Variants in SGK1 observed in about 807,000 individuals in gnomAD.
SGK1 encodes serum/glucocorticoid regulated kinase 1, also known as serine/threonine-protein kinase Sgk1.
In SGK1, 26 loss-of-function variants were observed where a neutral mutation model predicts 64.2. The ratio of observed to expected loss-of-function variants is 0.40; its 90% CI spans 0.30 to 0.56. The LOEUF is 0.56. SGK1 is among the 20% of genes least tolerant of loss of function. SGK1 has a pLI of 0.38. For missense variants in SGK1, 519 were observed against 645.6 expected, an observed-to-expected ratio of 0.80 and a Z score of 2.12; for synonymous variants, 265 against 239.7, an observed-to-expected ratio of 1.11 and a Z score of -0.98.
chr6:134,237,320 G>A (rs565161379), intron 2 of SGK1, among the ~76,000 whole-genome samples: 5 of 151,262 alleles, frequency 3.3e-5, no homozygotes, highest in African/African-American at 7.3e-5. Flanking sequence ...GCCTCCCAAC[G>A]TGCTAAGATT....
intron 2 of SGK1, among the ~76,000 whole-genome samples, chr6:134,251,474 A>G (rs1776604993): frequency 6.6e-6 from 1 of 152,210 alleles, no homozygotes; most frequent in Non-Finnish European, 1.5e-5. Context: ...CCAACAAAAT[A>G]TGCTCAACCC....
At chr6:134,219,035 T>C (rs1318898434) in intron 2 of SGK1, among the ~76,000 whole-genome samples, 3 of 152,042 alleles carry the variant, frequency 2.0e-5, no homozygotes, top group Non-Finnish European at 4.4e-5. Flanking sequence ...CAGGCTGGAG[T>C]GCAGTGGCAT....
At chr6:134,170,751 C>T (rs941473055) in intron 13 of SGK1, 75 bp downstream of exon 13, 14 of 996,694 alleles carry the variant, frequency 1.4e-5, no homozygotes, top group Admixed American at 2.1e-5. Context: ...CCTTCCAACC[C>T]TCCCCCAGAC....
At chr6:134,174,841 T>A (rs755086756) in intron 3 of SGK1, 2 of 1,613,202 alleles carry the variant, frequency 1.2e-6, no homozygotes, top group Non-Finnish European at 1.7e-6. Context: ...ACGTTAGCGC[T>A]CAAAGACCGG....
chr6:134,271,792 T>G (rs1429260986), intron 1 of SGK1, among the ~76,000 whole-genome samples: 2 of 147,794 alleles, frequency 1.4e-5, no homozygotes, highest in Non-Finnish European at 3.0e-5. Context: ...GACCCCAGTA[T>G]CTGTTGTTTC....
intron 5 of SGK1, 72 bp from the exon 6 acceptor site, chr6:134,173,638 TA>T: frequency 9.8e-7 from 1 of 1,024,978 alleles, no homozygotes; most frequent in South Asian, 1.5e-5. Context: ...ATAAACGATG[TA>T]GAAAATGTTA....
At chr6:134,314,539 AC>A (rs2114805824) in intron 1 of SGK1, among the ~76,000 whole-genome samples, 1 of 152,210 alleles carries the variant, frequency 6.6e-6, no homozygotes, top group East Asian at 1.9e-4. Context: ...CACACTTTGC[AC>A]ATTTAATAAT....
chr6:134,280,643 A>G (rs564327816), intron 1 of SGK1, among the ~76,000 whole-genome samples: 42 of 152,276 alleles, frequency 2.8e-4, no homozygotes, highest in East Asian at 9.6e-4. Flanking sequence ...TTATGGATAA[A>G]TATTTCACTG....
intron 2 of SGK1, among the ~76,000 whole-genome samples, chr6:134,253,457 C>T (rs78760649): frequency 6.6e-6 from 1 of 151,870 alleles, no homozygotes; most frequent in African/African-American, 2.4e-5. Flanking sequence ...CGAAACCAGA[C>T]TGAGCAACAG....
In SGK1 at chr6:134,262,146, T is replaced by A. The variant is rs749025832; in HGVS notation, c.72A>T (p.Val24=). 1.3e-6 allele frequency: 2 copies of A among 1,572,212 alleles called. No homozygotes were observed. The highest frequency in any genetic ancestry group is 1.7e-6 in the Non-Finnish European group (2 of 1,154,918). Residue 24 remains valine (V), a splice_region_variant and synonymous_variant, in exon 2 of 14, where the codon GTA becomes GTT. Coordinates refer to ENST00000367858, the MANE Select transcript of SGK1 (RefSeq NM_001143676.3). The part of the protein sequence containing the change: ...CSAFQFFKKR[V]RRWIKSPMVS... ...CCATTGGGCTCTTGATCCACCTTCG[T>A]ACCTGCAATGTGCAAAAGGAAAGAA...
At chr6:134,271,985 G>GCA (rs1776946142) in intron 1 of SGK1, among the ~76,000 whole-genome samples, 1 of 146,816 alleles carries the variant, frequency 6.8e-6, no homozygotes, top group Non-Finnish European at 1.5e-5. Context: ...AGGACTACAG[G>GCA]CACACACCAC....
At chr6:134,317,252 C>T in intron 1 of SGK1, 140 bp downstream of exon 1, 1 of 704,778 alleles carries the variant, frequency 1.4e-6, no homozygotes, top group South Asian at 1.6e-5. Flanking sequence ...AGGTATAGTT[C>T]TCAGCTTTAC....
At chr6:134,309,085 C>A (rs933890126) in intron 1 of SGK1, among the ~76,000 whole-genome samples, 30 of 152,168 alleles carry the variant, frequency 2.0e-4, no homozygotes, top group Admixed American at 1.0e-3. Context: ...GTGAATTCTT[C>A]TCCGAAAAAC....
intron 2 of SGK1, among the ~76,000 whole-genome samples, chr6:134,245,011 G>A (rs865936665): frequency 1.6e-4 from 25 of 152,256 alleles, no homozygotes; most frequent in Middle Eastern, 3.4e-3. Context: ...CCTGACCTCA[G>A]GTGATCCACC....
At chr6:134,242,876 A>T in intron 2 of SGK1, among the ~76,000 whole-genome samples, 1 of 152,326 alleles carries the variant, frequency 6.6e-6, no homozygotes, top group South Asian at 2.1e-4. Context: ...CAAAACACCC[A>T]AAACACATCT....
intron 3 of SGK1, among the ~76,000 whole-genome samples, chr6:134,193,611 T>G (rs756031672): frequency 3.3e-5 from 5 of 151,162 alleles, no homozygotes; most frequent in Non-Finnish European, 5.9e-5. Flanking sequence ...TTTATTTTCT[T>G]ATGTTCCTTC....
At chr6:134,292,116 T>C (rs1287793683) in intron 1 of SGK1, among the ~76,000 whole-genome samples, 3 of 152,064 alleles carry the variant, frequency 2.0e-5, no homozygotes, top group Admixed American at 2.0e-4. Flanking sequence ...ACACATATTA[T>C]GGCAAGACAA....
chr6:134,241,118 C>T (rs1459716176), intron 2 of SGK1, among the ~76,000 whole-genome samples: 1 of 145,144 alleles, frequency 6.9e-6, no homozygotes, highest in African/African-American at 2.7e-5. Context: ...GGCATGATCT[C>T]GGCTCACTGC....
Position 134,313,149 on chromosome 6 carries a change from C to T in SGK1, c.69+4243G>A, listed in dbSNP as rs561587515. Among the ~76,000 whole-genome samples, 26 of 152,288 alleles carry T rather than the reference C, an allele frequency of 1.7e-4. 1 individual carries two copies. Among genetic ancestry groups the T allele is most frequent in the African/African-American group, 6.3e-4 (26 of 41,560 alleles). On this transcript the variant is annotated intron_variant, in intron 1 of 13. Transcript: ENST00000367858. ...CCAGCAATATTAATGCCATTTAAGT[C>T]ATAGTTATTAGAAAAGCTACTGTTA...
Sources: gnomAD v4.1 joint callset for allele counts (sites outside exome capture counted in the v4.1 genomes callset) on GRCh38, gnomAD v4.1.1 for gene constraint, MANE v1.5 for transcripts, NCBI Gene and HGNC (gene_info 2026-07-23, HGNC 2026-07-21) for gene names.